The following SLC35D4 variants were observed in gnomAD, a reference collection of about 807,000 sequenced individuals.
The protein encoded by SLC35D4 is UDP-N-acetylglucosamine transporter SLC35D4.
the SLC35D4 span, chr18:23,437,688 T>TA: frequency 2.2e-6 from 3 of 1,334,796 alleles, no homozygotes; most frequent in Non-Finnish European, 3.1e-6. Context: ...AAGAATGAGG[T>TA]AAAAAGCAGG....
the SLC35D4 span, among the ~76,000 whole-genome samples, chr18:23,305,816 C>T: frequency 9.5e-4 from 145 of 152,278 alleles, no homozygotes; most frequent in African/African-American, 3.4e-3. Flanking sequence ...TGGACCTGCC[C>T]TCAGGCAGGG....
the SLC35D4 span, chr18:23,253,884 C>T: frequency 6.2e-7 from 1 of 1,614,186 alleles, no homozygotes; most frequent in Non-Finnish European, 8.5e-7. Context: ...GTGCTGTTAG[C>T]AGCCAAAATT....
the SLC35D4 span, chr18:23,257,308 C>G: frequency 6.2e-7 from 1 of 1,613,888 alleles, no homozygotes; most frequent in Non-Finnish European, 8.5e-7. Context: ...GGAATTCGCC[C>G]TCCACTTGCC....
At chr18:23,292,395 C>A in the SLC35D4 span, among the ~76,000 whole-genome samples, 1 of 152,178 alleles carries the variant, frequency 6.6e-6, no homozygotes, top group Admixed American at 6.5e-5. Context: ...TTGCTCCAAC[C>A]CCATTCACGA....
chr18:23,253,821 C>T, the SLC35D4 span: 2 of 1,614,186 alleles, frequency 1.2e-6, no homozygotes, highest in South Asian at 2.2e-5. Context: ...GAAAAGCTCG[C>T]CCTCAAGGGG....
chr18:23,295,967 C>T, the SLC35D4 span: 1 of 152,000 alleles, frequency 6.6e-6, no homozygotes, highest in Non-Finnish European at 1.5e-5. Context: ...TATAGTTAGT[C>T]ATTATTTTCT....
At chr18:23,372,187 C>T in the SLC35D4 span, among the ~76,000 whole-genome samples, 11 of 151,716 alleles carry the variant, frequency 7.3e-5, no homozygotes, top group African/African-American at 1.7e-4. Flanking sequence ...CCGCCCGCCT[C>T]GGCCTCCCAA....
the SLC35D4 span, among the ~76,000 whole-genome samples, chr18:23,274,313 C>T: frequency 6.6e-6 from 1 of 152,240 alleles, no homozygotes; most frequent in Non-Finnish European, 1.5e-5. Flanking sequence ...CGTGCCCAGG[C>T]TGCTGAGCCC....
chr18:23,302,866 C>T, the SLC35D4 span, among the ~76,000 whole-genome samples: 1 of 152,258 alleles, frequency 6.6e-6, no homozygotes, highest in African/African-American at 2.4e-5. Context: ...TGTGCAAATG[C>T]AGGCCCAACA....
the SLC35D4 span, chr18:23,399,668 C>T: frequency 6.2e-7 from 1 of 1,612,398 alleles, no homozygotes; most frequent in Non-Finnish European, 8.5e-7. Flanking sequence ...GGGAAAAAAG[C>T]AATAACACTT....
At chr18:23,288,293 T>C in the SLC35D4 span, among the ~76,000 whole-genome samples, 2 of 152,224 alleles carry the variant, frequency 1.3e-5, no homozygotes, top group East Asian at 3.8e-4. Context: ...AAAGGCAGGC[T>C]ATGCTATAGT....
At chr18:23,250,364 T>C in the SLC35D4 span, among the ~76,000 whole-genome samples, 1 of 152,126 alleles carries the variant, frequency 6.6e-6, no homozygotes, top group African/African-American at 2.4e-5. Context: ...GTTGAGAAGC[T>C]GGAGGAAGGT....
the SLC35D4 span, among the ~76,000 whole-genome samples, chr18:23,260,687 C>A: frequency 6.6e-6 from 1 of 150,524 alleles, no homozygotes; most frequent in Non-Finnish European, 1.5e-5. Flanking sequence ...CAAAAGACAT[C>A]TTTCAAATCA....
chr18:23,360,453 G>A, the SLC35D4 span, among the ~76,000 whole-genome samples: 35 of 152,140 alleles, frequency 2.3e-4, no homozygotes, highest in South Asian at 2.1e-4. Context: ...GCAACAAAAA[G>A]GAACAAACTC....
chr18:23,353,578 T>TAAAG, the SLC35D4 span, among the ~76,000 whole-genome samples: 3 of 152,242 alleles, frequency 2.0e-5, no homozygotes, highest in East Asian at 3.8e-4. Flanking sequence ...GGGGCAGGAC[T>TAAAG]AAAGACAGGC....
chr18:23,427,978 T>C, the SLC35D4 span, among the ~76,000 whole-genome samples: 2 of 152,090 alleles, frequency 1.3e-5, no homozygotes, highest in East Asian at 3.9e-4. Context: ...ATGAGAACAC[T>C]TGGGCACAGG....
At chr18:23,359,145 G>A in the SLC35D4 span, among the ~76,000 whole-genome samples, 1 of 152,122 alleles carries the variant, frequency 6.6e-6, no homozygotes, top group Non-Finnish European at 1.5e-5. Context: ...CCAGCACTTT[G>A]GGAGGCTGAG....
At chr18:23,269,385 T>C in the SLC35D4 span, among the ~76,000 whole-genome samples, 1 of 152,228 alleles carries the variant, frequency 6.6e-6, no homozygotes, top group Admixed American at 6.5e-5. Context: ...CTGCCATGAT[T>C]GTAAGTTTCC....
the SLC35D4 span, among the ~76,000 whole-genome samples, chr18:23,327,780 A>G: frequency 6.6e-6 from 1 of 152,240 alleles, no homozygotes; most frequent in Non-Finnish European, 1.5e-5. Context: ...AATATCCCTG[A>G]TGAACATCAA....
Sources: gnomAD v4.1 joint callset for allele counts (sites outside exome capture counted in the v4.1 genomes callset) on GRCh38, gnomAD v4.1.1 for gene constraint, MANE v1.5 for transcripts, NCBI Gene and HGNC (gene_info 2026-07-23, HGNC 2026-07-21) for gene names.